KLHL2: variants seen among roughly 807,000 people sequenced by gnomAD.
The protein encoded by KLHL2 is kelch-like protein 2.
A neutral mutation model predicts 75.8 loss-of-function variants in KLHL2; 15 were observed. The observed-to-expected ratio is 0.20, with a 90% CI of 0.13 to 0.30. The LOEUF (loss-of-function observed/expected upper bound fraction) is 0.30. KLHL2 is among the 10% of genes least tolerant of loss of function. The pLI is 1.00. For missense variants in KLHL2, 381 were observed against 741.0 expected (o/e 0.51, Z 5.64); for synonymous variants, 214 against 251.9 (o/e 0.85, Z 1.42).
chr4:165,299,614 G>C lies in KLHL2; in HGVS notation c.879G>C (p.Lys293Asn). ...CAACAGAGCAGCGTATATTAATGAAGAGTGTCCGGACCCGGCTGAGGACAC... is the reference window on the plus strand; with the variant it reads ...CAACAGAGCAGCGTATATTAATGAACAGTGTCCGGACCCGGCTGAGGACAC... ...LLPTEQRILM[K>N]SVRTRLRTPM... Residue 293 changes from lysine (K) to asparagine (N), a missense_variant, in exon 8 of 15, where the codon AAG (lysine) becomes AAC (asparagine). Coordinates refer to ENST00000226725, the MANE Select transcript of KLHL2 (RefSeq NM_007246.4). The C allele has an allele frequency of 6.2e-7, 1 of 1,613,754 alleles. No individual in the cohort carries two copies. Among genetic ancestry groups the C allele is most frequent in the South Asian group, 1.1e-5 (1 of 91,040 alleles).
At chr4:165,253,844 G>A (rs1740941151) in intron 4 of KLHL2, among the ~76,000 whole-genome samples, 1 of 152,236 alleles carries the variant, frequency 6.6e-6, no homozygotes, top group African/African-American at 2.4e-5. Flanking sequence ...CTATGCTGTT[G>A]TGTATTTCAG....
intron 4 of KLHL2, chr4:165,252,473 G>A (rs549902949): frequency 1.3e-5 from 2 of 152,188 alleles, no homozygotes; most frequent in African/African-American, 4.8e-5. Context: ...GGACCTTAAT[G>A]TCTTAATCTC....
chr4:165,253,886 T>C lies in KLHL2; in HGVS notation c.382-9311T>C, dbSNP rs537669847. Among the ~76,000 whole-genome samples the C allele has an allele frequency of 5.9e-5, 9 of 152,374 alleles. No individual in the cohort carries two copies. The South Asian group carries it at 1.7e-3, about 28-fold the overall frequency. On this transcript the variant is annotated intron_variant, in intron 4 of 14. Transcript: ENST00000226725. Reference sequence around the variant, plus strand: ...TCCCTGTTTATTGATGAGTATTGCATTGTAAGGGTTTATTACAGTTTAGCA... The same window carrying C: ...TCCCTGTTTATTGATGAGTATTGCACTGTAAGGGTTTATTACAGTTTAGCA...
At chr4:165,253,726 T>G (rs1455212767) in intron 4 of KLHL2, among the ~76,000 whole-genome samples, 1 of 152,210 alleles carries the variant, frequency 6.6e-6, no homozygotes, top group Non-Finnish European at 1.5e-5. Context: ...TGATTTCTAT[T>G]ATAATAGGTT....
intron 4 of KLHL2, among the ~76,000 whole-genome samples, chr4:165,250,419 TTTACA>T (rs1299577872): frequency 6.6e-6 from 1 of 152,188 alleles, no homozygotes; most frequent in African/African-American, 2.4e-5. Context: ...ATGCTGCATA[TTTACA>T]TTAATGTGGA....
intron 11 of KLHL2, among the ~76,000 whole-genome samples, chr4:165,311,809 C>CTGTGTG (rs60870309): frequency 0.025 from 3,602 of 144,802 alleles, 57 homozygotes; most frequent in Non-Finnish European, 0.03. Flanking sequence ...TCCTTTCTCT[C>CTGTGTG]TGTGTGTGTG....
intron 3 of KLHL2, among the ~76,000 whole-genome samples, chr4:165,236,668 T>C (rs1464214234): frequency 2.0e-5 from 3 of 152,374 alleles, no homozygotes; most frequent in Admixed American, 6.5e-5. Flanking sequence ...CAATACTCTT[T>C]AGTATGGGCT....
intron 9 of KLHL2, among the ~76,000 whole-genome samples, chr4:165,309,529 C>T (rs73860633): frequency 0.017 from 2,541 of 152,256 alleles, 65 homozygotes; most frequent in African/African-American, 0.057. Context: ...GTATTTTAGG[C>T]TTTGTGGTTA....
intron 4 of KLHL2, among the ~76,000 whole-genome samples, chr4:165,248,100 G>C (rs1317268698): frequency 6.6e-6 from 1 of 152,062 alleles, no homozygotes. Context: ...TTGGCTGGGT[G>C]ATTGGCTCTA....
chr4:165,294,510 C>CTTTT, intron 6 of KLHL2, 42 bp downstream of exon 6: 3 of 837,642 alleles, frequency 3.6e-6, no homozygotes, highest in Non-Finnish European at 5.5e-6. Context: ...TGATGTTTCC[C>CTTTT]TTTTTTTTTT....
chr4:165,281,263 C>A (rs965407644), intron 5 of KLHL2, among the ~76,000 whole-genome samples: 2 of 151,104 alleles, frequency 1.3e-5, no homozygotes, highest in African/African-American at 4.9e-5. Flanking sequence ...GATTTTATTA[C>A]ACTTATTTGG....
chr4:165,264,557 C>CT (rs1450649804), intron 5 of KLHL2, among the ~76,000 whole-genome samples: 1 of 145,880 alleles, frequency 6.9e-6, no homozygotes, highest in Admixed American at 6.9e-5. Flanking sequence ...TTATTTCTTT[C>CT]TTTTTTTATG....
intron 5 of KLHL2, chr4:165,278,753 T>C: frequency 6.3e-7 from 1 of 1,584,388 alleles, no homozygotes; most frequent in Non-Finnish European, 8.7e-7. Flanking sequence ...GAGAAGGCCA[T>C]GATCAGAAAA....
At chr4:165,269,986 A>C (rs1742557896) in intron 5 of KLHL2, among the ~76,000 whole-genome samples, 2 of 152,284 alleles carry the variant, frequency 1.3e-5, no homozygotes, top group South Asian at 4.1e-4. Context: ...CTTTATCCAT[A>C]ATCACATATT....
chr4:165,295,735 A>G (rs1744860600), intron 6 of KLHL2, among the ~76,000 whole-genome samples: 1 of 152,198 alleles, frequency 6.6e-6, no homozygotes, highest in African/African-American at 2.4e-5. Context: ...CAGGTAGAAG[A>G]AGCAGAATAT....
chr4:165,208,515 C>T (rs1038022482), intron 1 of KLHL2: 2 of 152,164 alleles, frequency 1.3e-5, no homozygotes, highest in African/African-American at 2.4e-5. Flanking sequence ...AGTAGCGTAT[C>T]GACCTGCCAG....
intron 2 of KLHL2, among the ~76,000 whole-genome samples, chr4:165,222,199 G>C (rs1252786824): frequency 6.6e-6 from 1 of 152,100 alleles, no homozygotes; most frequent in East Asian, 1.9e-4. Flanking sequence ...CTGGTCTCGA[G>C]CCAATTATTT....
chr4:165,221,702 T>G (rs965554324), intron 2 of KLHL2, among the ~76,000 whole-genome samples: 22 of 152,148 alleles, frequency 1.4e-4, no homozygotes, highest in Non-Finnish European at 2.9e-4. Flanking sequence ...TGGAGAGAGA[T>G]AAGAGAAAGT....
chr4:165,217,862 A>G (rs776512522), intron 1 of KLHL2, among the ~76,000 whole-genome samples: 14 of 152,182 alleles, frequency 9.2e-5, no homozygotes, highest in Non-Finnish European at 1.9e-4. Context: ...TTTTAAAACC[A>G]TTAGGTATAA....
Sources: gnomAD v4.1 joint callset for allele counts (sites outside exome capture counted in the v4.1 genomes callset) on GRCh38, gnomAD v4.1.1 for gene constraint, MANE v1.5 for transcripts, NCBI Gene and HGNC (gene_info 2026-07-23, HGNC 2026-07-21) for gene names.